GLCE: variants seen among roughly 807,000 people sequenced by gnomAD.
GLCE encodes the protein glucuronic acid epimerase.
GLCE carries 19 observed loss-of-function variants against 47.9 expected under a neutral mutation model. That is an observed-to-expected ratio of 0.40 (90% CI 0.28 to 0.58). The LOEUF is 0.58. Ranked by LOEUF, GLCE falls within the 20% of genes least tolerant of loss-of-function variation. The pLI, the probability that GLCE is intolerant of heterozygous loss-of-function variation, is 0.48. For synonymous variants in GLCE, 245 were observed against 263.4 expected, an observed-to-expected ratio of 0.93 and a Z score of 0.68; for missense variants, 556 against 743.3, an observed-to-expected ratio of 0.75 and a Z score of 2.93.
chr15:69,217,222 A>G, intron 2 of GLCE, among the ~76,000 whole-genome samples: 1 of 151,784 alleles, frequency 6.6e-6, no homozygotes, highest in African/African-American at 2.4e-5. Flanking sequence ...ACTTACATTA[A>G]TGACTGCTGT....
chr15:69,248,855 T>C (rs569031321), intron 2 of GLCE, among the ~76,000 whole-genome samples: 2 of 152,262 alleles, frequency 1.3e-5, no homozygotes, highest in East Asian at 3.9e-4. Flanking sequence ...TCCTCCCACC[T>C]TGGCCTCCCA....
intron 4 of GLCE, among the ~76,000 whole-genome samples, chr15:69,263,053 G>T (rs906082018): frequency 2.0e-5 from 3 of 152,132 alleles, no homozygotes; most frequent in African/African-American, 7.2e-5. Context: ...GACCCATCAT[G>T]AGGGAAGATC....
intron 1 of GLCE, among the ~76,000 whole-genome samples, chr15:69,167,393 G>A (rs1199401486): frequency 6.6e-6 from 1 of 152,224 alleles, no homozygotes; most frequent in Non-Finnish European, 1.5e-5. Flanking sequence ...TTTGGATCAT[G>A]ACACATGGAG....
chr15:69,272,177 C>T lies in GLCE; in HGVS notation c.*2933C>T, dbSNP rs1163037574. 1 of 152,560 alleles carries T rather than the reference C, an allele frequency of 6.6e-6. No homozygotes were observed. Among genetic ancestry groups the T allele is most frequent in the Non-Finnish European group, 1.5e-5 (1 of 68,008 alleles). The allele number at this position is 152,560 out of a possible 1,614,324, so 9.5% of individuals were successfully genotyped here. On this transcript the variant is annotated 3_prime_UTR_variant, in exon 5 of 5. Coordinates refer to ENST00000261858, the MANE Select transcript of GLCE (RefSeq NM_015554.3). ...CTTAATGTAAAGCCGCTTTATAAAA[C>T]TGTAAAATAAAGTTTTTTTCTTAAA...
intron 2 of GLCE, among the ~76,000 whole-genome samples, chr15:69,224,129 A>AT (rs2052413876): frequency 6.6e-6 from 1 of 151,842 alleles, no homozygotes; most frequent in Non-Finnish European, 1.5e-5. Flanking sequence ...ATGCCTTGTG[A>AT]TTTTTTGTTG....
At chr15:69,171,322 C>T (rs1349766811) in intron 1 of GLCE, among the ~76,000 whole-genome samples, 2 of 151,632 alleles carry the variant, frequency 1.3e-5, no homozygotes, top group African/African-American at 4.8e-5. Context: ...GTTTGAGCAA[C>T]AAGAGTCAGA....
chr15:69,247,732 T>G (rs1229149692), intron 2 of GLCE, among the ~76,000 whole-genome samples: 2 of 152,294 alleles, frequency 1.3e-5, no homozygotes, highest in African/African-American at 4.8e-5. Context: ...ATTGGCCTAA[T>G]GTCCATATTG....
intron 2 of GLCE, among the ~76,000 whole-genome samples, chr15:69,234,297 A>T (rs1472682): frequency 0.59 from 89,226 of 151,196 alleles, 27,012 homozygotes; most frequent in Admixed American, 0.68. Flanking sequence ...ATTTTTTTTT[A>T]ATTTTTTTGA....
At chr15:69,190,332 T>C (rs1209505561) in intron 1 of GLCE, among the ~76,000 whole-genome samples, 1 of 152,110 alleles carries the variant, frequency 6.6e-6, no homozygotes, top group Non-Finnish European at 1.5e-5. Flanking sequence ...TGTTCAAGTT[T>C]ACTATGTCCT....
chr15:69,202,213 C>T (rs1210233475), intron 1 of GLCE, among the ~76,000 whole-genome samples: 1 of 151,964 alleles, frequency 6.6e-6, no homozygotes, highest in East Asian at 1.9e-4. Flanking sequence ...AACCACGGTT[C>T]CCAGCCTTGC....
At chr15:69,186,258 C>G (rs1281807538) in intron 1 of GLCE, among the ~76,000 whole-genome samples, 1 of 151,944 alleles carries the variant, frequency 6.6e-6, no homozygotes, top group Non-Finnish European at 1.5e-5. Context: ...GTCAGAGAGG[C>G]TGGGTAGATT....
chr15:69,176,265 C>G (rs1005962861), intron 1 of GLCE, among the ~76,000 whole-genome samples: 1 of 114,712 alleles, frequency 8.7e-6, no homozygotes, highest in South Asian at 3.0e-4. Context: ...TTCTGTTGCC[C>G]AGGCTGGAGT....
intron 2 of GLCE, among the ~76,000 whole-genome samples, chr15:69,221,019 C>T (rs1409816700): frequency 6.6e-6 from 1 of 152,194 alleles, no homozygotes; most frequent in Non-Finnish European, 1.5e-5. Flanking sequence ...AAAGACTGTG[C>T]TTTTATTCCC....
intron 2 of GLCE, among the ~76,000 whole-genome samples, chr15:69,225,514 G>A (rs2052434338): frequency 6.6e-6 from 1 of 152,174 alleles, no homozygotes; most frequent in Non-Finnish European, 1.5e-5. Context: ...GTAAACACTT[G>A]TTGATTAGGT....
At chr15:69,222,621 C>G (rs537503598) in intron 2 of GLCE, among the ~76,000 whole-genome samples, 19 of 152,302 alleles carry the variant, frequency 1.2e-4, no homozygotes, top group African/African-American at 4.3e-4. Flanking sequence ...GTCCTGGCAT[C>G]TAGGTCATCT....
At chr15:69,226,506 A>G (rs561635096) in intron 2 of GLCE, among the ~76,000 whole-genome samples, 3 of 152,192 alleles carry the variant, frequency 2.0e-5, no homozygotes, top group African/African-American at 4.8e-5. Flanking sequence ...TACTTTGTCC[A>G]TAGTGTTTAT....
intron 1 of GLCE, among the ~76,000 whole-genome samples, chr15:69,164,861 TTATC>T (rs1209419209): frequency 6.6e-6 from 1 of 152,192 alleles, no homozygotes; most frequent in Non-Finnish European, 1.5e-5. Flanking sequence ...CTGTAGTAGA[TTATC>T]TATATAATAA....
rs1284774704 is a variant in GLCE, at chr15:69,231,000, A to G, written c.-14+20594A>G. On this transcript the variant is annotated intron_variant, in intron 2 of 4. Coordinates refer to ENST00000261858, the MANE Select transcript of GLCE (RefSeq NM_015554.3). ...TAAAAAGGCCTGTATTTCAGATGGAATACTTGATCTGTGTAATCCATCAAG... is the reference window on the plus strand; with the variant it reads ...TAAAAAGGCCTGTATTTCAGATGGAGTACTTGATCTGTGTAATCCATCAAG... 2.0e-5 allele frequency among the ~76,000 whole-genome samples: 3 copies of G among 152,196 alleles called. No homozygotes were observed. The South Asian group carries it at 6.2e-4, about 32-fold the overall frequency.
intron 2 of GLCE, among the ~76,000 whole-genome samples, chr15:69,216,503 C>T (rs1162083286): frequency 1.3e-5 from 2 of 152,104 alleles, no homozygotes; most frequent in Non-Finnish European, 2.9e-5. Context: ...GGAATGAAGA[C>T]ATAGCAAGTT....
Sources: gnomAD v4.1 joint callset for allele counts (sites outside exome capture counted in the v4.1 genomes callset) on GRCh38, gnomAD v4.1.1 for gene constraint, MANE v1.5 for transcripts, NCBI Gene and HGNC (gene_info 2026-07-23, HGNC 2026-07-21) for gene names.